The following TRIO variants were observed in gnomAD, a reference collection of about 807,000 sequenced individuals.
The protein encoded by TRIO is triple functional domain protein.
In TRIO, 58 loss-of-function variants were observed where a neutral mutation model predicts 351.9. The ratio of observed to expected loss-of-function variants is 0.16; its 90% confidence interval spans 0.13 to 0.21. The LOEUF is 0.21. Ranked by LOEUF, TRIO falls within the 10% of genes least tolerant of loss-of-function variation. The pLI, the probability that TRIO is intolerant of heterozygous loss-of-function variation, is 1.00. For missense variants in TRIO, 3,201 were observed against 4,027.8 expected, an observed-to-expected ratio of 0.79 and a Z score of 5.56; for synonymous variants, 1,758 against 1,595.7, an observed-to-expected ratio of 1.10 and a Z score of -2.42.
intron 6 of TRIO, among the ~76,000 whole-genome samples, chr5:14,296,316 G>GCACCA (rs1323820822): frequency 2.6e-5 from 4 of 152,164 alleles, no homozygotes; most frequent in Non-Finnish European, 4.4e-5. Context: ...TCTGAATCCC[G>GCACCA]CACCACACCA....
chr5:14,254,331 C>T (rs761118318), intron 1 of TRIO, among the ~76,000 whole-genome samples: 20 of 152,050 alleles, frequency 1.3e-4, no homozygotes, highest in Non-Finnish European at 1.6e-4. Context: ...TTACAGGCGC[C>T]CGGCTAATTT....
At chr5:14,382,887 G>A (rs1746235519) in intron 21 of TRIO, among the ~76,000 whole-genome samples, 1 of 151,348 alleles carries the variant, frequency 6.6e-6, no homozygotes, top group African/African-American at 2.4e-5. Context: ...ATCTTGCTCT[G>A]TTACCCAGGC....
chr5:14,346,555 G>C (rs1004372633), intron 11 of TRIO, among the ~76,000 whole-genome samples: 3 of 152,202 alleles, frequency 2.0e-5, no homozygotes, highest in Non-Finnish European at 2.9e-5. Context: ...TGGATTTCAC[G>C]CATTACTCAG....
In TRIO at chr5:14,504,672, TAAG is replaced by T. The variant is rs911391987; in HGVS notation, c.8612+83_8612+85del. The T allele has an allele frequency of 1.1e-5, 17 of 1,505,064 alleles. No individual in the cohort carries two copies. In the South Asian group the frequency reaches 1.9e-4, roughly 16 times the overall value. 93.2% of individuals were successfully genotyped at this position (1,505,064 alleles called of 1,614,324 possible). On this transcript the variant is annotated intron_variant, in intron 55 of 56. Coordinates refer to ENST00000344204, the MANE Select transcript of TRIO (RefSeq NM_007118.4). ...GGTTTTGTTGTTCCTGTTTGTTCTC[TAAG>T]AAGGATAGAAATTGGGTTTGTAGAA...
At chr5:14,365,717 G>T (rs1368920380) in intron 15 of TRIO, among the ~76,000 whole-genome samples, 6 of 152,314 alleles carry the variant, frequency 3.9e-5, no homozygotes, top group African/African-American at 1.4e-4. Flanking sequence ...CTTTGAAAAG[G>T]TGTTTTCCGC....
intron 9 of TRIO, among the ~76,000 whole-genome samples, chr5:14,330,039 G>T (rs911335045): frequency 1.3e-5 from 2 of 152,130 alleles, no homozygotes; most frequent in Non-Finnish European, 2.9e-5. Context: ...CATATTGTTC[G>T]CAGGTCAACT....
chr5:14,345,860 T>C (rs77681221), intron 11 of TRIO, among the ~76,000 whole-genome samples: 5,849 of 152,316 alleles, frequency 0.038, 396 homozygotes, highest in African/African-American at 0.13. Flanking sequence ...GTTAAATTTC[T>C]GTTTTAAAGG....
intron 20 of TRIO, among the ~76,000 whole-genome samples, chr5:14,379,330 T>C (rs1184914283): frequency 6.6e-6 from 1 of 152,228 alleles, no homozygotes; most frequent in Non-Finnish European, 1.5e-5. Context: ...AAATTAACTT[T>C]CTTAGCAGAG....
In TRIO at chr5:14,482,637, A is replaced by G; in HGVS notation, c.6521A>G (p.Asp2174Gly). Residue 2174 changes from aspartate (D) to glycine (G), a missense_variant, in exon 46 of 57, where the codon GAC becomes GGC. Asp to Gly is a moderately conservative substitution (Grantham distance 94, BLOSUM62 -1). Transcript: ENST00000344204. ...LLLQDTFLVT[D>G]QDAGLLPRCR... ...TTGCAGGACACATTCTTGGTCACAG[A>G]CCAAGATGCAGGACTTCTGCCTCGC... The G allele has an allele frequency of 6.3e-7, 1 of 1,599,670 alleles. No individual in the cohort carries two copies.
intron 34 of TRIO, among the ~76,000 whole-genome samples, chr5:14,444,667 C>T (rs761836590): frequency 6.6e-6 from 1 of 152,200 alleles, no homozygotes; most frequent in Admixed American, 6.5e-5. Context: ...GGTTCTATTT[C>T]ATTTTAAGCA....
intron 49 of TRIO, among the ~76,000 whole-genome samples, chr5:14,493,600 A>C (rs1756656950): frequency 6.6e-6 from 1 of 152,152 alleles, no homozygotes; most frequent in Non-Finnish European, 1.5e-5. Flanking sequence ...CCCTCTCCTC[A>C]GGCCTGCCTG....
At position 14,390,316 on chromosome 5, in the gene TRIO, C is replaced by T; in HGVS notation, c.4128+16C>T. On this transcript the variant is annotated intron_variant, in intron 26 of 56. Transcript: ENST00000344204. ...TGTTACTTGGGTAATGAAACCTCAA[C>T]CATTTGTTCTCTCCCAGCTATTAGG... The T allele has an allele frequency of 6.2e-7, 1 of 1,612,646 alleles. No individual in the cohort carries two copies. Among genetic ancestry groups the T allele is most frequent in the Non-Finnish European group, 8.5e-7 (1 of 1,179,196 alleles).
At position 14,497,612 on chromosome 5, in the gene TRIO, A is replaced by G. The variant is rs1343593495; in HGVS notation, c.8020-235A>G. ...CCAGCTGGACTCAGCCTGTAGCATGAGAAAAACACACATCTAAGCAGTGTT... is the reference window on the plus strand; with the variant it reads ...CCAGCTGGACTCAGCCTGTAGCATGGGAAAAACACACATCTAAGCAGTGTT... On this transcript the variant is annotated intron_variant, in intron 50 of 56. Coordinates refer to ENST00000344204, the MANE Select transcript of TRIO (RefSeq NM_007118.4). The surrounding 1 kb of genome is among the most constrained non-coding windows in gnomAD (Gnocchi z 4.4). Among the ~76,000 whole-genome samples the G allele has an allele frequency of 6.6e-6, 1 of 152,204 alleles. No individual in the cohort carries two copies. Among genetic ancestry groups the G allele is most frequent in the Non-Finnish European group, 1.5e-5 (1 of 68,036 alleles).
chr5:14,270,954 G>C, intron 2 of TRIO, 55 bp downstream of exon 2: 3 of 1,306,922 alleles, frequency 2.3e-6, no homozygotes, highest in Non-Finnish European at 3.3e-6. Flanking sequence ...CAATTTCAGA[G>C]TCTGACGTAA....
At chr5:14,507,387 G>T in intron 56 of TRIO, 127 bp downstream of exon 56, 1 of 1,361,372 alleles carries the variant, frequency 7.3e-7, no homozygotes, top group Non-Finnish European at 9.9e-7. Context: ...GGTGGGTGGG[G>T]CAGCGCAGAC....
intron 37 of TRIO, among the ~76,000 whole-genome samples, chr5:14,468,660 T>C (rs1232647251): frequency 6.6e-6 from 1 of 152,244 alleles, no homozygotes; most frequent in East Asian, 1.9e-4. Flanking sequence ...CCTAAACTTA[T>C]ACTGACTCTG....
chr5:14,291,268 G>T, intron 5 of TRIO, 40 bp downstream of exon 5: 1 of 1,589,246 alleles, frequency 6.3e-7, no homozygotes, highest in Non-Finnish European at 8.6e-7. Flanking sequence ...GGACATGGGG[G>T]AAGCCAGCGC....
At chr5:14,392,067 A>AAG (rs1157181350) in intron 27 of TRIO, among the ~76,000 whole-genome samples, 7 of 152,250 alleles carry the variant, frequency 4.6e-5, no homozygotes, top group African/African-American at 1.7e-4. Flanking sequence ...GAGGGCACAT[A>AAG]GCACATTTAA....
chr5:14,176,302 T>G (rs1038117412), intron 1 of TRIO, among the ~76,000 whole-genome samples: 1 of 152,046 alleles, frequency 6.6e-6, no homozygotes, highest in African/African-American at 2.4e-5. Context: ...AAACCCCGTC[T>G]CTACTAAAAA....
Sources: allele counts gnomAD v4.1 joint callset (sites outside exome capture counted in the v4.1 genomes callset), GRCh38; gene constraint gnomAD v4.1.1; non-coding constraint Gnocchi (gnomAD v3.1); transcripts MANE v1.5; gene names NCBI Gene and HGNC (gene_info 2026-07-23, HGNC 2026-07-21).